The following DNM3 variants were observed in gnomAD, a reference collection of about 807,000 sequenced individuals.
The protein encoded by DNM3 is dynamin 3, also known as dynamin-3.
In DNM3, 47 loss-of-function variants were observed where a neutral mutation model predicts 101.6. The observed-to-expected ratio is 0.46, with a 90% confidence interval of 0.37 to 0.59. The LOEUF (loss-of-function observed/expected upper bound fraction) is 0.59. DNM3 is among the 20% of genes least tolerant of loss of function. DNM3 has a pLI of 0.00. For missense variants in DNM3, 849 were observed against 1,085.7 expected (o/e 0.78, Z 3.06); for synonymous variants, 385 against 387.9 (o/e 0.99, Z 0.09).
chr1:172,030,819 C>T (rs1240868903), intron 4 of DNM3, among the ~76,000 whole-genome samples: 1 of 152,148 alleles, frequency 6.6e-6, no homozygotes, highest in Non-Finnish European at 1.5e-5. Context: ...CATCACTGGT[C>T]ATTAGAGAAA....
intron 17 of DNM3, among the ~76,000 whole-genome samples, chr1:172,335,104 T>C (rs963828700): frequency 6.6e-6 from 1 of 152,120 alleles, no homozygotes; most frequent in African/African-American, 2.4e-5. Context: ...GCCCAATAAC[T>C]TGACTCATGG....
At chr1:172,330,839 T>A (rs2066151313) in intron 17 of DNM3, among the ~76,000 whole-genome samples, 1 of 152,184 alleles carries the variant, frequency 6.6e-6, no homozygotes, top group Non-Finnish European at 1.5e-5. Context: ...TTAACTTTTA[T>A]ATGAATGTCA....
At position 171,923,433 on chromosome 1, in the gene DNM3, A is replaced by AT. The variant is rs201420623; in HGVS notation, c.235+1622dup. On this transcript the variant is annotated intron_variant, in intron 2 of 20. Coordinates refer to ENST00000627582, the MANE Select transcript of DNM3 (RefSeq NM_015569.5). ...GTCCCATATCAGATATTTGATTTGC[A>AT]TTTTTTTTTTCTATTTTATAGGCCC... Among the ~76,000 whole-genome samples the AT allele has an allele frequency of 3.0e-4, 44 of 146,412 alleles. 1 individual carries two copies. The highest frequency in any genetic ancestry group is 6.0e-4 in the African/African-American group (24 of 40,162).
chr1:171,936,902 A>T (rs1268428954), intron 2 of DNM3, among the ~76,000 whole-genome samples: 1 of 22,986 alleles, frequency 4.4e-5, no homozygotes, highest in Non-Finnish European at 1.1e-4. Flanking sequence ...GGGCTCCACA[A>T]TGGGGGTCAT....
chr1:172,318,684 C>G (rs1041198167), intron 16 of DNM3, among the ~76,000 whole-genome samples: 1 of 152,032 alleles, frequency 6.6e-6, no homozygotes, highest in African/African-American at 2.4e-5. Context: ...TTACAAGGGA[C>G]GTGAAGGACC....
chr1:172,407,644 T>A (rs1002016119), intron 20 of DNM3, 128 bp from the exon 21 acceptor site: 32 of 874,212 alleles, frequency 3.7e-5, no homozygotes, highest in Non-Finnish European at 5.8e-5. Context: ...TCATTACAGA[T>A]CATAACCACT....
At chr1:171,843,245 T>A (rs1182720375) in intron 1 of DNM3, among the ~76,000 whole-genome samples, 4 of 152,228 alleles carry the variant, frequency 2.6e-5, no homozygotes, top group African/African-American at 9.6e-5. Context: ...CTTGTATCCT[T>A]GAGTAATTCA....
At chr1:172,406,215 C>T (rs920529956) in intron 20 of DNM3, among the ~76,000 whole-genome samples, 1 of 151,922 alleles carries the variant, frequency 6.6e-6, no homozygotes, top group Non-Finnish European at 1.5e-5. Flanking sequence ...TCAGGGAAGG[C>T]TTCACTGAAG....
intron 13 of DNM3, among the ~76,000 whole-genome samples, chr1:172,114,943 A>G (rs2055782177): frequency 6.6e-6 from 1 of 152,206 alleles, no homozygotes. Context: ...TATGATAAAG[A>G]TGTTAAAAAT....
chr1:171,908,385 G>A (rs138615101), intron 1 of DNM3, among the ~76,000 whole-genome samples: 4 of 152,102 alleles, frequency 2.6e-5, no homozygotes, highest in Non-Finnish European at 5.9e-5. Context: ...TATAGATTAG[G>A]TTGCATAAAT....
At chr1:172,268,161 T>C (rs1008287027) in intron 15 of DNM3, among the ~76,000 whole-genome samples, 1 of 152,156 alleles carries the variant, frequency 6.6e-6, no homozygotes, top group African/African-American at 2.4e-5. Flanking sequence ...CAGTTATTGA[T>C]TGTGACTGCA....
intron 2 of DNM3, among the ~76,000 whole-genome samples, chr1:171,964,455 C>G (rs1003117996): frequency 1.3e-5 from 2 of 152,094 alleles, no homozygotes; most frequent in Non-Finnish European, 2.9e-5. Context: ...GAAGCCACCC[C>G]CTCCACCCCT....
At chr1:172,176,342 G>T (rs1229177693) in intron 14 of DNM3, among the ~76,000 whole-genome samples, 1 of 151,840 alleles carries the variant, frequency 6.6e-6, no homozygotes, top group Non-Finnish European at 1.5e-5. Flanking sequence ...CCTAGAGCTG[G>T]TCATAGGAAT....
At chr1:172,398,634 C>T (rs986997758) in intron 20 of DNM3, among the ~76,000 whole-genome samples, 1 of 152,174 alleles carries the variant, frequency 6.6e-6, no homozygotes, top group Non-Finnish European at 1.5e-5. Flanking sequence ...TGGCTTTACT[C>T]TTTCCAAGTC....
At chr1:172,352,399 T>C (rs1380805998) in intron 17 of DNM3, among the ~76,000 whole-genome samples, 2 of 152,160 alleles carry the variant, frequency 1.3e-5, no homozygotes, top group African/African-American at 4.8e-5. Context: ...AGGCAAGGAA[T>C]GAGCAGGACT....
chr1:172,392,045 A>T (rs932028826), intron 20 of DNM3, among the ~76,000 whole-genome samples: 2 of 152,202 alleles, frequency 1.3e-5, no homozygotes, highest in African/African-American at 4.8e-5. Flanking sequence ...TTCTGCTTTT[A>T]AAAAATATAT....
intron 14 of DNM3, among the ~76,000 whole-genome samples, chr1:172,195,222 A>G (rs917648816): frequency 6.6e-6 from 1 of 152,098 alleles, no homozygotes; most frequent in Admixed American, 6.6e-5. Context: ...TTTCAAATCA[A>G]ATTATTCATT....
At chr1:172,310,501 G>A (rs2065035254) in intron 16 of DNM3, 1 of 152,240 alleles carries the variant, frequency 6.6e-6, no homozygotes, top group Non-Finnish European at 1.5e-5. Flanking sequence ...GGGACAGACA[G>A]TGAGAGTAAG....
chr1:172,000,778 T>G (rs1425776549), intron 4 of DNM3, among the ~76,000 whole-genome samples: 1 of 152,034 alleles, frequency 6.6e-6, no homozygotes, highest in Non-Finnish European at 1.5e-5. Flanking sequence ...TAGAGAGGGT[T>G]CAAGGAAAAC....
Sources: gnomAD v4.1 joint callset for allele counts (sites outside exome capture counted in the v4.1 genomes callset) on GRCh38, gnomAD v4.1.1 for gene constraint, MANE v1.5 for transcripts, NCBI Gene and HGNC (gene_info 2026-07-23, HGNC 2026-07-21) for gene names.